The following RPS7 variants were observed in gnomAD, a reference collection of about 807,000 sequenced individuals.
RPS7 encodes small ribosomal subunit protein eS7.
A neutral mutation model predicts 22.1 loss-of-function variants in RPS7; 1 was observed. The ratio of observed to expected loss-of-function variants is 0.05; its 90% confidence interval spans 0.02 to 0.21. The LOEUF is 0.21. RPS7 is among the 10% of genes least tolerant of loss of function. The probability of loss-of-function intolerance (pLI) is 1.00; values close to 1 mark genes in which losing one functional copy is unlikely to be tolerated. For synonymous variants in RPS7, 80 were observed against 92.0 expected, an observed-to-expected ratio of 0.87 and a Z score of 0.74; for missense variants, 137 against 246.4, an observed-to-expected ratio of 0.56 and a Z score of 2.97.
At position 3,576,501 on chromosome 2, in the gene RPS7, T is replaced by C. The variant is rs1386548990; in HGVS notation, c.162T>C (p.Gly54=). 6.2e-7 allele frequency: 1 copy of C among 1,613,928 alleles called. No individual in the cohort carries two copies. Among genetic ancestry groups the C allele is most frequent in the East Asian group, 2.2e-5 (1 of 44,872 alleles). Reference sequence around the variant, plus strand: ...TTTTTCTTTAGGAAATTGAAGTTGGTGGTGGTCGGAAAGCTATCATAATCT... The same window carrying C: ...TTTTTCTTTAGGAAATTGAAGTTGGCGGTGGTCGGAAAGCTATCATAATCT... ...NITAAKEIEV[G]GGRKAIIIFV... The change falls in exon 4 of 7, where the codon GGT becomes GGC. Residue 54 remains glycine, a synonymous_variant. Transcript: ENST00000645674.
At chr2:3,577,428 A>C in intron 4 of RPS7, 1 of 442,256 alleles carries the variant, frequency 2.3e-6, no homozygotes, top group Non-Finnish European at 4.1e-6. Context: ...CTGGAATAAA[A>C]GTAGTATTCT....
At position 3,575,367 on chromosome 2, in the gene RPS7, C is replaced by G. The variant is rs530290710; in HGVS notation, c.-19+17C>G. The G allele has an allele frequency of 6.1e-5, 34 of 555,316 alleles. No individual in the cohort carries two copies. The highest frequency in any genetic ancestry group is 5.2e-4 in the African/African-American group (26 of 50,286). The allele number at this position is 555,316 out of a possible 1,614,324, so 34.4% of individuals were successfully genotyped here. On this transcript the variant is annotated intron_variant, in intron 1 of 6. Coordinates refer to ENST00000645674, the MANE Select transcript of RPS7 (RefSeq NM_001011.4). ...CTCGGCAAGGTAGGTTGGCGGCCTG[C>G]TCTCCGACAGAACTTTTCTTCTTGG...
chr2:3,577,321 G>GCGA (rs1276987381), intron 4 of RPS7: 1 of 208,030 alleles, frequency 4.8e-6, no homozygotes, highest in Non-Finnish European at 9.9e-6. Flanking sequence ...GGGCGACAGA[G>GCGA]CGAGACTCCA....
rs1405210971 is a variant in RPS7 at position 3,575,895 on chromosome 2, T to C, written c.147+7T>C. ...GAATATTACGGCAGCTAAGGTAAGCTGGCGCTCCCTCGGCTGGGAGGGAGG... is the reference window on the plus strand; with the variant it reads ...GAATATTACGGCAGCTAAGGTAAGCCGGCGCTCCCTCGGCTGGGAGGGAGG... On this transcript the variant is annotated splice_region_variant and intron_variant, in intron 3 of 6. Transcript: ENST00000645674. The C allele has an allele frequency of 6.2e-7, 1 of 1,600,530 alleles. No individual in the cohort carries two copies. Among genetic ancestry groups the C allele is most frequent in the Non-Finnish European group, 8.5e-7 (1 of 1,171,906 alleles).
chr2:3,580,570 C>T, intron 6 of RPS7: 2 of 621,656 alleles, frequency 3.2e-6, no homozygotes, highest in East Asian at 5.4e-5. Flanking sequence ...GGGGACATAA[C>T]CATGTGGGTG....
intron 4 of RPS7, chr2:3,577,050 T>A: frequency 3.6e-6 from 1 of 276,514 alleles, no homozygotes; most frequent in South Asian, 3.5e-5. Context: ...AGAAACCTGT[T>A]ACAGGCCGGG....
chr2:3,578,712 C>T (rs1227705857), intron 5 of RPS7: 1 of 151,980 alleles, frequency 6.6e-6, no homozygotes, highest in African/African-American at 2.4e-5. Flanking sequence ...GGATTTTTTT[C>T]CCCTAAATCA....
At chr2:3,580,563 G>C in intron 6 of RPS7, 1 of 622,150 alleles carries the variant, frequency 1.6e-6, no homozygotes, top group Non-Finnish European at 2.8e-6. Context: ...GTCTTGGGGG[G>C]ACATAACCAT....
chr2:3,579,917 T>C (rs773624110), intron 5 of RPS7, 193 bp from the exon 6 acceptor site: 18 of 633,484 alleles, frequency 2.8e-5, no homozygotes, highest in Non-Finnish European at 5.1e-5. Flanking sequence ...ATCAGTAAGC[T>C]ATTACCCTAT....
At chr2:3,576,175 C>G (rs572831490) in intron 3 of RPS7, 3 of 590,192 alleles carry the variant, frequency 5.1e-6, no homozygotes, top group African/African-American at 1.9e-5. Flanking sequence ...GTTATAGATA[C>G]GGCAAAGAGC....
chr2:3,576,854 A>G (rs1405594748), intron 4 of RPS7: 2 of 635,180 alleles, frequency 3.1e-6, no homozygotes, highest in Non-Finnish European at 5.7e-6. Context: ...GCAACATGGT[A>G]AGACCCTGTC....
chr2:3,579,220 C>T (rs966721265), intron 5 of RPS7: 5 of 152,196 alleles, frequency 3.3e-5, no homozygotes, highest in Non-Finnish European at 7.3e-5. Flanking sequence ...ATTAATGAGT[C>T]GCAATGAATA....
chr2:3,576,358 A>C (rs1235323707), intron 3 of RPS7, 129 bp from the exon 4 acceptor site: 2 of 826,194 alleles, frequency 2.4e-6, no homozygotes, highest in African/African-American at 3.4e-5. Context: ...ATTTATGATT[A>C]ACTCAAAACT....
chr2:3,576,431 C>G (rs1422359143), intron 3 of RPS7, 56 bp from the exon 4 acceptor site: 9 of 1,516,474 alleles, frequency 5.9e-6, no homozygotes, highest in Non-Finnish European at 8.2e-6. Flanking sequence ...CTAATTTGAC[C>G]ACAACGTTTA....
Position 3,576,552 on chromosome 2 carries a change from T to C in RPS7, c.213T>C (p.Ser71=), listed in dbSNP as rs768902814. The change falls in exon 4 of 7, where the codon TCT becomes TCC. Residue 71 remains serine (S), a synonymous_variant. Coordinates refer to ENST00000645674, the MANE Select transcript of RPS7 (RefSeq NM_001011.4). ...TTGTTCCCGTTCCTCAACTGAAATC[T>C]TTCCAGAAAATCCAAGTCCGGCTAG... ...IIFVPVPQLK[S]FQKIQVRLVR... 6.2e-7 allele frequency: 1 copy of C among 1,614,044 alleles called. No homozygotes were observed. The highest frequency in any genetic ancestry group is 1.7e-5 in the Admixed American group (1 of 60,032).
At chr2:3,576,253 G>A (rs1282666026) in intron 3 of RPS7, 4 of 611,104 alleles carry the variant, frequency 6.5e-6, no homozygotes, top group African/African-American at 1.8e-5. Flanking sequence ...GGGTGCAGAA[G>A]TGGTAGTGAT....
intron 3 of RPS7, 46 bp downstream of exon 3, chr2:3,575,934 C>A (rs1661266632): frequency 1.4e-6 from 2 of 1,406,478 alleles, no homozygotes; most frequent in Non-Finnish European, 2.0e-6. Context: ...CGGCGCGTCT[C>A]CCCGCGCAGT....
Position 3,575,616 on chromosome 2 carries a change from A to G in RPS7, c.7A>G (p.Ser3Gly). The G allele has an allele frequency of 1.2e-6, 2 of 1,610,696 alleles. No homozygotes were observed. The highest frequency in any genetic ancestry group is 1.7e-6 in the Non-Finnish European group (2 of 1,179,176). The change falls in exon 2 of 7, where the codon AGT (serine) becomes GGT (glycine). Residue 3 changes from serine (S) to glycine (G), a missense_variant. By Grantham distance (56) the Ser-to-Gly change is moderately conservative. Transcript: ENST00000645674. Reference protein sequence around the residue: MFSSSAKIVKPNG... With the variant: MFGSSAKIVKPNG... ...GTTCTCCCAGGAGAAAGCCATGTTCAGTTCGAGCGCCAAGATCGTGAAGCC... is the reference window on the plus strand; with the variant it reads ...GTTCTCCCAGGAGAAAGCCATGTTCGGTTCGAGCGCCAAGATCGTGAAGCC...
chr2:3,577,369 G>T, intron 4 of RPS7: 1 of 259,180 alleles, frequency 3.9e-6, no homozygotes, highest in Non-Finnish European at 7.5e-6. Flanking sequence ...GTTCGGATGG[G>T]GGATTGGTGC....
Sources: gnomAD v4.1 joint callset for allele counts on GRCh38, gnomAD v4.1.1 for gene constraint, MANE v1.5 for transcripts, NCBI Gene and HGNC (gene_info 2026-07-23, HGNC 2026-07-21) for gene names.